EEF2K: variants seen among roughly 807,000 people sequenced by gnomAD.
EEF2K encodes alternative protein EEF2K.
A neutral mutation model predicts 93.8 loss-of-function variants in EEF2K; 70 were observed. The ratio of observed to expected loss-of-function variants is 0.75; its 90% CI spans 0.62 to 0.91. The LOEUF is 0.91. EEF2K is among the 40% of genes least tolerant of loss of function. The pLI, the probability that EEF2K is intolerant of heterozygous loss-of-function variation, is 0.00. For synonymous variants in EEF2K, 376 were observed against 380.8 expected (o/e 0.99, Z 0.15); for missense variants, 935 against 972.9 (o/e 0.96, Z 0.52).
chr16:22,236,907 C>T (rs1219435909), intron 2 of EEF2K, among the ~76,000 whole-genome samples: 1 of 132,176 alleles, frequency 7.6e-6, no homozygotes, highest in Non-Finnish European at 1.6e-5. Context: ...TTATGTTTTC[C>T]TTTTTTTATG....
In EEF2K at chr16:22,284,018, A is replaced by C; in HGVS notation, c.*22A>C. ...GTAACCAGGAAAATCACTGCCGGCT[A>C]GTCCCAAGCAAACGGGCTAGGAGGA... On this transcript the variant is annotated 3_prime_UTR_variant, in exon 18 of 18. Transcript: ENST00000263026. The C allele has an allele frequency of 6.4e-7, 1 of 1,552,462 alleles. No homozygotes were observed. The highest frequency in any genetic ancestry group is 1.2e-5 in the South Asian group (1 of 84,448).
chr16:22,273,764 C>CA lies in EEF2K; in HGVS notation c.1889+15dup, dbSNP rs533568179. ...CAGCCCGGACAGGTACTGCAGCTGT[C>CA]ACCCAGGAGGAGCTGGTAGGAACCT... is the stretch of plus-strand genomic sequence containing the variant. On this transcript the variant is annotated intron_variant, in intron 16 of 17. Coordinates refer to ENST00000263026, the MANE Select transcript of EEF2K (RefSeq NM_013302.5). 1,251 of 1,611,940 alleles carry CA rather than the reference C, an allele frequency of 7.8e-4. 20 individuals carry two copies. The South Asian group carries it at 0.013, about 16-fold the overall frequency.
intron 15 of EEF2K, among the ~76,000 whole-genome samples, chr16:22,268,273 G>A (rs1443341982): frequency 2.6e-5 from 4 of 152,084 alleles, no homozygotes; most frequent in East Asian, 1.9e-4. Context: ...CCACTTCCCA[G>A]GTTCAAGCAA....
chr16:22,266,707 G>T lies in EEF2K; in HGVS notation c.1595G>T (p.Arg532Leu). The change falls in exon 15 of 18, where the codon CGC becomes CTC. Residue 532 changes from arginine (R) to leucine (L), a missense_variant. Coordinates refer to ENST00000263026, the MANE Select transcript of EEF2K (RefSeq NM_013302.5). ...ILGKVHLAMV[R>L]YHEGGRFCEK... is the part of the protein sequence containing the mutation. ...TGGCAGGTCCATCTGGCCATGGTGC[G>T]CTACCACGAGGGTGGGCGCTTCTGC... 1 of 1,611,616 alleles carries T rather than the reference G, an allele frequency of 6.2e-7. No individual in the cohort carries two copies. Among genetic ancestry groups the T allele is most frequent in the African/African-American group, 1.3e-5 (1 of 75,042 alleles).
chr16:22,240,578 A>C (rs1391654150), intron 2 of EEF2K, among the ~76,000 whole-genome samples: 1 of 152,154 alleles, frequency 6.6e-6, no homozygotes. Context: ...AACATTATTC[A>C]ATTGGAGGTT....
intron 7 of EEF2K, among the ~76,000 whole-genome samples, 158 bp from the exon 8 acceptor site, chr16:22,257,095 A>G (rs1469307267): frequency 2.0e-5 from 3 of 152,158 alleles, no homozygotes; most frequent in Admixed American, 6.5e-5. Context: ...CCTGCAGCCC[A>G]AGGTCCCTGC....
At chr16:22,248,562 AGT>A (rs1313081154) in intron 3 of EEF2K, among the ~76,000 whole-genome samples, 191 bp from the exon 4 acceptor site, 4 of 152,162 alleles carry the variant, frequency 2.6e-5, no homozygotes, top group African/African-American at 9.7e-5. Context: ...GATTGAGACC[AGT>A]GTGTTGGGAC....
At chr16:22,215,055 T>C (rs2046946161) in intron 1 of EEF2K, among the ~76,000 whole-genome samples, 1 of 152,106 alleles carries the variant, frequency 6.6e-6, no homozygotes, top group Non-Finnish European at 1.5e-5. Flanking sequence ...TGATAGGTTG[T>C]GGAATGCGAC....
intron 1 of EEF2K, among the ~76,000 whole-genome samples, chr16:22,224,460 G>A (rs992264796): frequency 2.0e-5 from 3 of 151,340 alleles, no homozygotes; most frequent in Non-Finnish European, 4.4e-5. Context: ...GGGAGACCCT[G>A]TTTTTACAAA....
intron 16 of EEF2K, among the ~76,000 whole-genome samples, chr16:22,274,945 G>T (rs563868226): frequency 6.6e-6 from 1 of 152,274 alleles, no homozygotes; most frequent in South Asian, 2.1e-4. Context: ...GACTAAACTA[G>T]TTCTGAGATG....
intron 13 of EEF2K, among the ~76,000 whole-genome samples, 199 bp from the exon 14 acceptor site, chr16:22,266,191 C>T (rs2047515821): frequency 6.7e-6 from 1 of 150,296 alleles, no homozygotes; most frequent in African/African-American, 2.5e-5. Flanking sequence ...CATTGCACTC[C>T]AACCTGGGCA....
intron 13 of EEF2K, chr16:22,265,114 G>A: frequency 4.2e-6 from 2 of 477,690 alleles, no homozygotes; most frequent in Admixed American, 3.4e-5. Context: ...CATCCTGGAG[G>A]GGAAATCACC....
chr16:22,207,936 T>C (rs1353919118), intron 1 of EEF2K, among the ~76,000 whole-genome samples: 3 of 151,982 alleles, frequency 2.0e-5, no homozygotes, highest in African/African-American at 2.4e-5. Context: ...TGGAAGGAGG[T>C]AGAGTTCAGA....
intron 6 of EEF2K, 36 bp downstream of exon 6, chr16:22,251,358 AG>A: frequency 6.2e-7 from 1 of 1,609,284 alleles, no homozygotes; most frequent in Non-Finnish European, 8.5e-7. Flanking sequence ...TTTCCATGCC[AG>A]GGCAGCTGGG....
intron 15 of EEF2K, among the ~76,000 whole-genome samples, chr16:22,271,943 G>A (rs1033040965): frequency 2.6e-5 from 4 of 152,156 alleles, no homozygotes; most frequent in Non-Finnish European, 4.4e-5. Flanking sequence ...TGATGTGAGC[G>A]ACCTCCTTCC....
chr16:22,235,718 G>A (rs1043186954), intron 2 of EEF2K, among the ~76,000 whole-genome samples: 6 of 152,004 alleles, frequency 3.9e-5, no homozygotes, highest in Non-Finnish European at 7.4e-5. Flanking sequence ...GGCTGGTCTC[G>A]AACTCCTGAC....
intron 11 of EEF2K, among the ~76,000 whole-genome samples, chr16:22,262,287 G>T (rs551589538): frequency 2.0e-5 from 3 of 152,046 alleles, no homozygotes; most frequent in Non-Finnish European, 4.4e-5. Flanking sequence ...CAAGGCAGGC[G>T]GATCACAAGT....
intron 1 of EEF2K, among the ~76,000 whole-genome samples, chr16:22,217,495 G>A (rs2046970350): frequency 6.6e-6 from 1 of 152,126 alleles, no homozygotes; most frequent in Non-Finnish European, 1.5e-5. Flanking sequence ...CCAGGCTGGA[G>A]TACAGTGGCA....
chr16:22,225,898 A>G lies in EEF2K; in HGVS notation c.169A>G (p.Asn57Asp). 6.2e-7 allele frequency: 1 copy of G among 1,614,230 alleles called. No homozygotes were observed. ...GAACCAGAATGTCAATTCCAAGGTT[A>G]ATAAGTACTACAGCAACCTAACAAA... Reference protein sequence around the residue: ...SSNQNVNSKVNKYYSNLTKSE... With the variant: ...SSNQNVNSKVDKYYSNLTKSE... Residue 57 changes from asparagine (N) to aspartate (D), a missense_variant, in exon 2 of 18, where the codon AAT (asparagine) becomes GAT (aspartate). Transcript: ENST00000263026.
Sources: gnomAD v4.1 joint callset for allele counts (sites outside exome capture counted in the v4.1 genomes callset) on GRCh38, gnomAD v4.1.1 for gene constraint, MANE v1.5 for transcripts, NCBI Gene and HGNC (gene_info 2026-07-23, HGNC 2026-07-21) for gene names.